The following RGS8 variants were observed in gnomAD, a reference collection of about 807,000 sequenced individuals.
RGS8 encodes regulator of G-protein signaling 8.
In RGS8, 8 loss-of-function variants were observed where a neutral mutation model predicts 21.7. That is an observed-to-expected ratio of 0.37 (90% CI 0.22 to 0.66). The LOEUF is 0.66. Among genes scored for constraint, RGS8 ranks in the 30% least tolerant of loss-of-function variants. The pLI, the probability that RGS8 is intolerant of heterozygous loss-of-function variation, is 0.59. For missense variants in RGS8, 157 were observed against 217.9 expected, an observed-to-expected ratio of 0.72 and a Z score of 1.76; for synonymous variants, 80 against 83.6, an observed-to-expected ratio of 0.96 and a Z score of 0.24.
chr1:182,715,627 A>G, the RGS8 span, among the ~76,000 whole-genome samples: 2 of 152,176 alleles, frequency 1.3e-5, no homozygotes, highest in East Asian at 1.9e-4. Context: ...TGCATTTAGA[A>G]TAAGTTCCCA....
the RGS8 span, chr1:182,734,495 A>T: frequency 6.6e-6 from 1 of 152,204 alleles, no homozygotes; most frequent in African/African-American, 2.4e-5. Flanking sequence ...AACCGAAAGA[A>T]TCAAGACGGT....
At chr1:182,681,379 G>T (rs1664530708) in intron 1 of RGS8, among the ~76,000 whole-genome samples, 1 of 152,236 alleles carries the variant, frequency 6.6e-6, no homozygotes, top group Non-Finnish European at 1.5e-5. Flanking sequence ...GTCTACAGCT[G>T]TGGGCAGAGA....
intron 5 of RGS8, among the ~76,000 whole-genome samples, chr1:182,653,380 GA>G (rs1334367138): frequency 9.3e-5 from 14 of 150,224 alleles, no homozygotes; most frequent in Middle Eastern, 6.8e-3. Context: ...CGAGGAAAGA[GA>G]TTTTTTTTTT....
At chr1:182,682,413 A>G (rs1664565841) in intron 1 of RGS8, among the ~76,000 whole-genome samples, 1 of 152,206 alleles carries the variant, frequency 6.6e-6, no homozygotes, top group Non-Finnish European at 1.5e-5. Context: ...TGATGATACA[A>G]GGACAGGTGC....
At chr1:182,687,211 G>GT (rs895474752), upstream of RGS8, among the ~76,000 whole-genome samples, 9 of 152,014 alleles carry the variant, frequency 5.9e-5, no homozygotes, top group Middle Eastern at 3.2e-3. Context: ...TTCTTTTTCT[G>GT]TTTTTTTCCC....
the RGS8 span, among the ~76,000 whole-genome samples, chr1:182,692,006 CTTT>C: frequency 1.1e-4 from 15 of 138,200 alleles, no homozygotes; most frequent in Admixed American, 1.5e-4. Flanking sequence ...GTTAGCATTT[CTTT>C]TTTTTTTTTT....
At chr1:182,682,863 A>G (rs1349248244) in intron 1 of RGS8, among the ~76,000 whole-genome samples, 1 of 152,084 alleles carries the variant, frequency 6.6e-6, no homozygotes, top group Non-Finnish European at 1.5e-5. Flanking sequence ...TCTGTCCTCT[A>G]AGAGCCCCTT....
chr1:182,740,726 G>A, the RGS8 span, among the ~76,000 whole-genome samples: 3 of 149,910 alleles, frequency 2.0e-5, no homozygotes, highest in Non-Finnish European at 4.5e-5. Context: ...TGTGTCCCTG[G>A]GTACTTGAGA....
upstream of RGS8, among the ~76,000 whole-genome samples, chr1:182,689,298 CA>C (rs1557906935): frequency 2.1e-4 from 31 of 149,834 alleles, no homozygotes; most frequent in Non-Finnish European, 3.1e-4. Context: ...CACACACACA[CA>C]CACACACCCC....
intron 6 of RGS8, among the ~76,000 whole-genome samples, chr1:182,647,624 T>C (rs1405066425): frequency 6.6e-6 from 1 of 152,218 alleles, no homozygotes; most frequent in East Asian, 1.9e-4. Context: ...ATGTAAATAA[T>C]TGTAATTACT....
chr1:182,648,394 G>T (rs1451486392), intron 5 of RGS8, 91 bp from the exon 7 acceptor site: 1 of 1,371,520 alleles, frequency 7.3e-7, no homozygotes, highest in Non-Finnish European at 1.0e-6. Flanking sequence ...TAGTGTGAGG[G>T]TGCCCCTAAT....
chr1:182,672,048 C>A, upstream of RGS8: 1 of 495,710 alleles, frequency 2.0e-6, no homozygotes, highest in Non-Finnish European at 3.1e-6. Context: ...TGAAGCTCCT[C>A]TGGCTGCAGC....
the RGS8 span, among the ~76,000 whole-genome samples, chr1:182,724,246 A>ATCTC: frequency 9.3e-6 from 1 of 107,174 alleles, no homozygotes; most frequent in African/African-American, 3.6e-5. Flanking sequence ...ATATATATAT[A>ATCTC]TCCTATTATT....
chr1:182,735,799 G>A, the RGS8 span, among the ~76,000 whole-genome samples: 1 of 152,168 alleles, frequency 6.6e-6, no homozygotes, highest in Non-Finnish European at 1.5e-5. Flanking sequence ...TGTCTGACCA[G>A]CTTCATGATT....
chr1:182,686,734 AG>A (rs1180852248), upstream of RGS8, among the ~76,000 whole-genome samples: 1 of 152,164 alleles, frequency 6.6e-6, no homozygotes, highest in African/African-American at 2.4e-5. Context: ...CTTAGCAGAG[AG>A]GTAGGATTTG....
the RGS8 span, among the ~76,000 whole-genome samples, chr1:182,700,089 T>C: frequency 1.3e-5 from 2 of 152,132 alleles, no homozygotes; most frequent in Non-Finnish European, 2.9e-5. Flanking sequence ...CTTGAGTGCA[T>C]AACAATGCGC....
upstream of RGS8, chr1:182,672,848 G>A: frequency 6.2e-7 from 1 of 1,614,120 alleles, no homozygotes; most frequent in Non-Finnish European, 8.5e-7. Flanking sequence ...GCCTGCTTCA[G>A]TTCCAGAAGG....
At chr1:182,667,044 CCTGGA>C in intron 3 of RGS8, 71 bp from the exon 5 acceptor site, 6 of 1,266,274 alleles carry the variant, frequency 4.7e-6, no homozygotes, top group Non-Finnish European at 6.9e-6. Context: ...ATACAGGGCC[CCTGGA>C]GCTGCTGCTA....
intron 5 of RGS8, among the ~76,000 whole-genome samples, chr1:182,649,457 T>C (rs1662889567): frequency 6.6e-6 from 1 of 152,252 alleles, no homozygotes. Flanking sequence ...TATTTTGACC[T>C]TTTATTCCAT....
Sources: allele counts gnomAD v4.1 joint callset (sites outside exome capture counted in the v4.1 genomes callset), GRCh38; gene constraint gnomAD v4.1.1; transcripts MANE v1.5; gene names NCBI Gene and HGNC (gene_info 2026-07-23, HGNC 2026-07-21).